The following SAMD12 variants were observed in gnomAD, a reference collection of about 807,000 sequenced individuals.
SAMD12 encodes the protein sterile alpha motif domain-containing protein 12.
A neutral mutation model predicts 15.0 loss-of-function variants in SAMD12; 9 were observed. That is an observed-to-expected ratio of 0.60 (90% confidence interval 0.36 to 1.05). The LOEUF is 1.05. Ranked by LOEUF, SAMD12 falls within the 50% of genes least tolerant of loss-of-function variation. SAMD12 has a pLI of 0.01. For missense variants in SAMD12, 230 were observed against 234.2 expected, an observed-to-expected ratio of 0.98 and a Z score of 0.12; for synonymous variants, 86 against 90.1, an observed-to-expected ratio of 0.96 and a Z score of 0.25.
intron 2 of SAMD12, among the ~76,000 whole-genome samples, chr8:118,459,606 G>A (rs1823357076): frequency 6.6e-6 from 1 of 152,092 alleles, no homozygotes; most frequent in Non-Finnish European, 1.5e-5. Context: ...TAATAACTAT[G>A]GATGACTATT....
downstream of SAMD12, among the ~76,000 whole-genome samples, chr8:118,374,255 T>G (rs899709172): frequency 2.0e-5 from 3 of 152,166 alleles, no homozygotes; most frequent in Non-Finnish European, 4.4e-5. Flanking sequence ...CTTTTGTGAC[T>G]CGCTTATTTT....
intron 2 of SAMD12, among the ~76,000 whole-genome samples, chr8:118,498,885 A>G (rs1824701096): frequency 6.6e-6 from 1 of 152,190 alleles, no homozygotes; most frequent in Middle Eastern, 3.2e-3. Context: ...CAGACAGTAT[A>G]GTGTCTTGTG....
chr8:118,154,144 GCACA>G, the SAMD12 span, among the ~76,000 whole-genome samples: 3 of 149,824 alleles, frequency 2.0e-5, 1 homozygote, highest in East Asian at 6.0e-4. Flanking sequence ...ACACACAAGT[GCACA>G]CACACACACA....
At chr8:118,439,246 A>G (rs1357709709) in intron 3 of SAMD12, among the ~76,000 whole-genome samples, 1 of 152,176 alleles carries the variant, frequency 6.6e-6, no homozygotes, top group Non-Finnish European at 1.5e-5. Flanking sequence ...CCAAGGGCAG[A>G]GAGTTAGTAT....
intron 4 of SAMD12, among the ~76,000 whole-genome samples, chr8:118,286,712 G>T (rs1028529488): frequency 6.6e-6 from 1 of 152,178 alleles, no homozygotes; most frequent in Non-Finnish European, 1.5e-5. Context: ...AGCTGGATTC[G>T]TGTCTCTCCA....
chr8:118,473,111 G>A (rs977915079), intron 2 of SAMD12, among the ~76,000 whole-genome samples: 4 of 152,094 alleles, frequency 2.6e-5, no homozygotes, highest in Admixed American at 2.0e-4. Context: ...AAGGTATGTC[G>A]CTCCCTGCCT....
intron 2 of SAMD12, among the ~76,000 whole-genome samples, chr8:118,530,910 T>C (rs374904014): frequency 6.6e-6 from 1 of 152,202 alleles, no homozygotes; most frequent in African/African-American, 2.4e-5. Flanking sequence ...GATGCAATCA[T>C]AGCACACAGC....
chr8:118,362,043 A>C (rs964764838), intron 4 of SAMD12, among the ~76,000 whole-genome samples: 3 of 151,154 alleles, frequency 2.0e-5, no homozygotes, highest in African/African-American at 7.3e-5. Flanking sequence ...AATTTCTAAT[A>C]GCTCTTCCAT....
chr8:118,537,719 C>T (rs143798068), intron 2 of SAMD12, among the ~76,000 whole-genome samples: 43 of 152,290 alleles, frequency 2.8e-4, no homozygotes, highest in African/African-American at 9.6e-4. Flanking sequence ...GTTTCCTCAA[C>T]ACAGCGATTT....
chr8:118,446,305 C>T (rs1422197997), intron 2 of SAMD12, among the ~76,000 whole-genome samples: 1 of 151,240 alleles, frequency 6.6e-6, no homozygotes, highest in Non-Finnish European at 1.5e-5. Flanking sequence ...TTTCTAAATG[C>T]TGTGACCACA....
At chr8:118,383,941 A>G (rs1819809945) in intron 3 of SAMD12, among the ~76,000 whole-genome samples, 1 of 152,166 alleles carries the variant, frequency 6.6e-6, no homozygotes, top group South Asian at 2.1e-4. Context: ...ACCGACAACT[A>G]GATCTAGATC....
At chr8:118,552,069 T>C (rs1261473490) in intron 2 of SAMD12, among the ~76,000 whole-genome samples, 1 of 151,990 alleles carries the variant, frequency 6.6e-6, no homozygotes, top group African/African-American at 2.4e-5. Flanking sequence ...CAGGACCAGA[T>C]GGATTCACAG....
intron 4 of SAMD12, among the ~76,000 whole-genome samples, chr8:118,334,595 G>C (rs746662179): frequency 6.6e-6 from 1 of 151,944 alleles, no homozygotes; most frequent in Non-Finnish European, 1.5e-5. Context: ...TTTGGAATCG[G>C]CCTTTCTCTT....
chr8:118,339,663 G>A (rs1817253368), intron 4 of SAMD12, among the ~76,000 whole-genome samples: 1 of 152,218 alleles, frequency 6.6e-6, no homozygotes, highest in South Asian at 2.1e-4. Flanking sequence ...TTGCTTTTCT[G>A]ATGGGTCCCT....
intron 4 of SAMD12, among the ~76,000 whole-genome samples, chr8:118,269,959 T>C (rs1586404953): frequency 1.3e-5 from 2 of 152,308 alleles, no homozygotes; most frequent in East Asian, 3.9e-4. Flanking sequence ...TGGGAGTTGT[T>C]AGGCTTGCAA....
chr8:118,601,154 A>AT lies in SAMD12; in HGVS notation c.14-20262dup, dbSNP rs1002492479. ...GCCTTTTGAAGGTGAATTCATGAAG[A>AT]TTTTTTTTTATTTTCCAATGGGTAT... On this transcript the variant is annotated intron_variant, in intron 1 of 3. Coordinates refer to ENST00000314727, the MANE Select transcript of SAMD12 (RefSeq NM_207506.3). 8.1e-4 allele frequency among the ~76,000 whole-genome samples: 123 copies of AT among 151,744 alleles called. 2 individuals are homozygous for AT. Among genetic ancestry groups the AT allele is most frequent in the African/African-American group, 2.3e-3 (97 of 41,370 alleles).
intron 4 of SAMD12, among the ~76,000 whole-genome samples, chr8:118,300,410 T>C (rs903676331): frequency 7.9e-5 from 12 of 152,154 alleles, no homozygotes; most frequent in African/African-American, 2.9e-4. Flanking sequence ...TCTTGACAAG[T>C]TGCCATCTTC....
chr8:118,564,784 G>C (rs918105170), intron 2 of SAMD12, among the ~76,000 whole-genome samples: 1 of 152,186 alleles, frequency 6.6e-6, no homozygotes, highest in African/African-American at 2.4e-5. Context: ...CACTATGAAA[G>C]TTTATTTCTT....
chr8:118,188,371 G>A (rs1479089035), downstream of SAMD12, among the ~76,000 whole-genome samples: 1 of 152,164 alleles, frequency 6.6e-6, no homozygotes, highest in Non-Finnish European at 1.5e-5. Flanking sequence ...CTTTTAAGTA[G>A]AGGAAGTAGG....
Sources: gnomAD v4.1 joint callset for allele counts (sites outside exome capture counted in the v4.1 genomes callset) on GRCh38, gnomAD v4.1.1 for gene constraint, MANE v1.5 for transcripts, NCBI Gene and HGNC (gene_info 2026-07-23, HGNC 2026-07-21) for gene names.